FSTL5: variants seen among roughly 807,000 people sequenced by gnomAD.
FSTL5 encodes the protein follistatin-related protein 5.
Under a neutral mutation model 89.1 loss-of-function variants are expected in FSTL5, and 62 were observed. The ratio of observed to expected loss-of-function variants is 0.70; its 90% CI spans 0.57 to 0.86. The LOEUF is 0.86. Among genes scored for constraint, FSTL5 ranks in the 40% least tolerant of loss-of-function variants. The probability of loss-of-function intolerance (pLI) is 0.00; values close to 1 mark genes in which losing one functional copy is unlikely to be tolerated. For missense variants in FSTL5, 1,057 were observed against 1,001.6 expected, an observed-to-expected ratio of 1.06 and a Z score of -0.75; for synonymous variants, 383 against 346.2, an observed-to-expected ratio of 1.11 and a Z score of -1.18.
chr4:162,121,045 C>A (rs1731838851), intron 1 of FSTL5, among the ~76,000 whole-genome samples: 1 of 151,576 alleles, frequency 6.6e-6, no homozygotes, highest in Admixed American at 6.6e-5. Flanking sequence ...TAGTTATATA[C>A]AAAGATGGTT....
At chr4:161,873,038 G>A (rs1732325828) in intron 4 of FSTL5, among the ~76,000 whole-genome samples, 1 of 152,024 alleles carries the variant, frequency 6.6e-6, no homozygotes, top group African/African-American at 2.4e-5. Flanking sequence ...AAAAAAGTTG[G>A]GGCTAGAGAC....
At chr4:162,048,796 G>T (rs930394871) in intron 2 of FSTL5, among the ~76,000 whole-genome samples, 1 of 152,146 alleles carries the variant, frequency 6.6e-6, no homozygotes, top group African/African-American at 2.4e-5. Context: ...TTATAAATTA[G>T]ATATTCTGAA....
intron 3 of FSTL5, among the ~76,000 whole-genome samples, chr4:162,023,269 G>A (rs917894791): frequency 1.3e-5 from 2 of 152,100 alleles, no homozygotes; most frequent in Non-Finnish European, 2.9e-5. Context: ...TGTATCTCCA[G>A]TGCTGAAAAC....
At chr4:161,395,605 T>C (rs994062481) in intron 15 of FSTL5, among the ~76,000 whole-genome samples, 1 of 152,086 alleles carries the variant, frequency 6.6e-6, no homozygotes, top group African/African-American at 2.4e-5. Context: ...CTTGGTAAAC[T>C]GACTGTAAAT....
chr4:162,124,624 A>G (rs970402271), intron 1 of FSTL5, among the ~76,000 whole-genome samples: 1 of 152,222 alleles, frequency 6.6e-6, no homozygotes, highest in African/African-American at 2.4e-5. Flanking sequence ...GCCAGAGAGC[A>G]GCCAAAATAA....
intron 7 of FSTL5, among the ~76,000 whole-genome samples, chr4:161,636,015 T>C (rs1325102655): frequency 6.6e-6 from 1 of 152,102 alleles, no homozygotes. Flanking sequence ...CCTTGTGTAA[T>C]TTTAGTAACA....
intron 7 of FSTL5, among the ~76,000 whole-genome samples, chr4:161,636,339 A>G (rs187138392): frequency 1.3e-5 from 2 of 152,086 alleles, no homozygotes; most frequent in African/African-American, 4.8e-5. Flanking sequence ...TAAGAATCAA[A>G]TATAACTGTT....
intron 4 of FSTL5, among the ~76,000 whole-genome samples, chr4:161,782,754 T>C (rs1180861839): frequency 6.6e-6 from 1 of 152,184 alleles, no homozygotes; most frequent in Non-Finnish European, 1.5e-5. Flanking sequence ...TTGTCAATTA[T>C]ATGCCACATT....
intron 3 of FSTL5, among the ~76,000 whole-genome samples, chr4:161,994,283 C>A (rs1223721451): frequency 6.6e-6 from 1 of 152,076 alleles, no homozygotes; most frequent in African/African-American, 2.4e-5. Context: ...CTTTAACCAG[C>A]CTGTCATTGA....
At chr4:161,476,487 C>G (rs1487867548) in intron 13 of FSTL5, among the ~76,000 whole-genome samples, 1 of 152,052 alleles carries the variant, frequency 6.6e-6, no homozygotes. Context: ...TATACATGCC[C>G]AGCCACTGCT....
intron 6 of FSTL5, among the ~76,000 whole-genome samples, chr4:161,686,062 A>G (rs530529981): frequency 6.6e-6 from 1 of 151,538 alleles, no homozygotes; most frequent in East Asian, 2.0e-4. Flanking sequence ...ACATTTATTG[A>G]CTTGCGTATG....
At position 161,689,626 on chromosome 4, in the gene FSTL5, T is replaced by C. The variant is rs140543856; in HGVS notation, c.728-33132A>G. Among the ~76,000 whole-genome samples the C allele has an allele frequency of 8.1e-3, 1,233 of 152,194 alleles. 37 individuals are homozygous for C. The South Asian group carries it at 0.12, about 15-fold the overall frequency. On this transcript the variant is annotated intron_variant, in intron 6 of 15. Coordinates refer to ENST00000306100, the MANE Select transcript of FSTL5 (RefSeq NM_020116.5). Reference sequence around the variant, plus strand: ...ATAGTTTTATTTTACAGCACTATTTTAGAGGACATTTTTTTACTGAGATTA... The same window carrying C: ...ATAGTTTTATTTTACAGCACTATTTCAGAGGACATTTTTTTACTGAGATTA...
chr4:162,101,217 C>G (rs150008938), intron 2 of FSTL5, among the ~76,000 whole-genome samples: 243 of 152,256 alleles, frequency 1.6e-3, no homozygotes, highest in African/African-American at 5.6e-3. Flanking sequence ...AAGAACTATC[C>G]CTCTGTTGCA....
intron 8 of FSTL5, among the ~76,000 whole-genome samples, chr4:161,570,021 A>G (rs1732953459): frequency 7.2e-5 from 11 of 152,196 alleles, no homozygotes. Context: ...ACTCATGTAC[A>G]TTTAAAAATG....
intron 6 of FSTL5, 30 bp downstream of exon 6, chr4:161,759,381 G>T: frequency 1.3e-6 from 2 of 1,564,584 alleles, no homozygotes; most frequent in South Asian, 2.5e-5. Flanking sequence ...AAAGAACAAA[G>T]GGAAATTGGA....
At chr4:161,454,894 A>G (rs62326380) in intron 15 of FSTL5, 110 bp downstream of exon 15, 19,314 of 973,850 alleles carry the variant, frequency 0.02, 278 homozygotes, top group Non-Finnish European at 0.026. Context: ...AGCAAGTTCA[A>G]TTGTACATGT....
intron 12 of FSTL5, among the ~76,000 whole-genome samples, chr4:161,487,620 ATT>A (rs111337565): frequency 1.3e-5 from 2 of 151,394 alleles, no homozygotes; most frequent in African/African-American, 4.9e-5. Flanking sequence ...AAAATCAGTG[ATT>A]TTTTTTTCTC....
intron 2 of FSTL5, among the ~76,000 whole-genome samples, chr4:162,060,496 TAAA>T (rs869168637): frequency 6.6e-6 from 1 of 152,098 alleles, no homozygotes; most frequent in Non-Finnish European, 1.5e-5. Flanking sequence ...AAAACATTTT[TAAA>T]AAACTATTAT....
intron 15 of FSTL5, among the ~76,000 whole-genome samples, chr4:161,400,777 A>G (rs1467453363): frequency 6.6e-6 from 1 of 152,142 alleles, no homozygotes; most frequent in Non-Finnish European, 1.5e-5. Context: ...TGCAGCTATT[A>G]TTTTAGTAAA....
Sources: allele counts gnomAD v4.1 joint callset (sites outside exome capture counted in the v4.1 genomes callset), GRCh38; gene constraint gnomAD v4.1.1; transcripts MANE v1.5; gene names NCBI Gene and HGNC (gene_info 2026-07-23, HGNC 2026-07-21).